The following CMIP variants were observed in gnomAD, a reference collection of about 807,000 sequenced individuals.
CMIP encodes C-Maf-inducing protein.
Under a neutral mutation model 97.3 loss-of-function variants are expected in CMIP, and 13 were observed. That is an observed-to-expected ratio of 0.13 (90% CI 0.09 to 0.21). CMIP has a LOEUF of 0.21. Ranked by LOEUF, CMIP falls within the 10% of genes least tolerant of loss-of-function variation. The pLI, the probability that CMIP is intolerant of heterozygous loss-of-function variation, is 1.00. For missense variants in CMIP, 847 were observed against 1,024.9 expected (o/e 0.83, Z 2.37); for synonymous variants, 538 against 436.3 (o/e 1.23, Z -2.91).
chr16:81,471,578 TAC>T lies in CMIP; in HGVS notation c.300+26051_300+26052del, dbSNP rs59971597. On this transcript the variant is annotated intron_variant, in intron 1 of 20. Transcript: ENST00000537098. ...GTGCACACACACATGCATACACAAATACACACACACACACAGTTATACAGTAG... is the reference window on the plus strand; with the variant it reads ...GTGCACACACACATGCATACACAAATACACACACACACAGTTATACAGTAG... Among the ~76,000 whole-genome samples the T allele has an allele frequency of 5.5e-3, 834 of 151,504 alleles. 7 individuals carry two copies. Among genetic ancestry groups the T allele is most frequent in the African/African-American group, 0.019 (765 of 41,326 alleles).
intron 15 of CMIP, 39 bp downstream of exon 15, chr16:81,699,840 T>C (rs745612695): frequency 7.3e-7 from 1 of 1,373,894 alleles, no homozygotes; most frequent in Admixed American, 1.9e-5. Context: ...GGTGGCTGGC[T>C]CCCCGTCCCT....
At chr16:81,601,619 G>T (rs1250351237) in intron 1 of CMIP, among the ~76,000 whole-genome samples, 3 of 152,166 alleles carry the variant, frequency 2.0e-5, no homozygotes, top group African/African-American at 7.2e-5. Context: ...CAGAGGTGAA[G>T]TATCTCTTCC....
intron 3 of CMIP, among the ~76,000 whole-genome samples, chr16:81,648,934 C>T (rs749435385): frequency 7.9e-5 from 12 of 151,988 alleles, no homozygotes; most frequent in African/African-American, 1.2e-4. Context: ...AGGAGTGAGC[C>T]CTCATTGCCT....
chr16:81,667,797 AGAGTGTGTGTGTGTGTGTGTGTGTGT>A, intron 7 of CMIP, among the ~76,000 whole-genome samples: 1 of 65,018 alleles, frequency 1.5e-5, no homozygotes, highest in South Asian at 5.7e-4. Flanking sequence ...AGAGAGAGAG[AGAGTGTGTGTGTGTGTGTGTGTGTGT>A]GTGTGTGTGT....
chr16:81,693,842 A>G (rs1257797727), intron 13 of CMIP, among the ~76,000 whole-genome samples: 2 of 152,142 alleles, frequency 1.3e-5, no homozygotes, highest in Non-Finnish European at 2.9e-5. Flanking sequence ...AGAGCAAGGA[A>G]TCTGAGCTGG....
intron 5 of CMIP, among the ~76,000 whole-genome samples, 182 bp downstream of exon 5, chr16:81,657,998 G>T (rs188818980): frequency 6.6e-6 from 1 of 151,938 alleles, no homozygotes; most frequent in Non-Finnish European, 1.5e-5. Flanking sequence ...CAGAGCCCCA[G>T]TTGATAGGAG....
intron 3 of CMIP, among the ~76,000 whole-genome samples, chr16:81,632,860 C>T (rs2092182344): frequency 1.3e-5 from 2 of 152,186 alleles, no homozygotes; most frequent in Non-Finnish European, 2.9e-5. Flanking sequence ...GGCTTTGGGA[C>T]ATTCAAGACA....
At position 81,655,981 on chromosome 16, in the gene CMIP, C is replaced by A; in HGVS notation, c.640-1794C>A. Among the ~76,000 whole-genome samples the A allele has an allele frequency of 6.6e-6, 1 of 152,288 alleles. No homozygotes were observed. Among genetic ancestry groups the A allele is most frequent in the African/African-American group, 2.4e-5 (1 of 41,552 alleles). On this transcript the variant is annotated intron_variant, in intron 4 of 20. Coordinates refer to ENST00000537098, the MANE Select transcript of CMIP (RefSeq NM_198390.3). This position sits in a 1 kb window ranked among gnomAD's most constrained non-coding sequence, Gnocchi z 4.9. ...AAGGAGAGACCAAGGCCAGGCTTCTCCCCGAAGCTGAAAAATGACTGATAG... is the reference window on the plus strand; with the variant it reads ...AAGGAGAGACCAAGGCCAGGCTTCTACCCGAAGCTGAAAAATGACTGATAG...
rs1455831582 is a variant in CMIP at position 81,702,696 on chromosome 16, CT to C, written c.1944+28del. 3 of 1,606,598 alleles carry C rather than the reference CT, an allele frequency of 1.9e-6. No individual in the cohort carries two copies. The Admixed American group carries it at 5.0e-5, about 27-fold the overall frequency. On this transcript the variant is annotated intron_variant, in intron 17 of 20. Coordinates refer to ENST00000537098, the MANE Select transcript of CMIP (RefSeq NM_198390.3). Reference sequence around the variant, plus strand: ...TGAGTTGGTTTGGTTCTCTTTGGGGCTGGATGGAGAAGGTGGGTTGGTCCTC... The same window carrying C: ...TGAGTTGGTTTGGTTCTCTTTGGGGCGGATGGAGAAGGTGGGTTGGTCCTC...
chr16:81,461,097 G>A (rs1206678664), intron 1 of CMIP, among the ~76,000 whole-genome samples: 2 of 152,214 alleles, frequency 1.3e-5, no homozygotes, highest in Non-Finnish European at 2.9e-5. Flanking sequence ...GGCCAAGCCA[G>A]GCAAAACCCA....
At chr16:81,571,526 C>T (rs1282554783) in intron 1 of CMIP, among the ~76,000 whole-genome samples, 1 of 143,812 alleles carries the variant, frequency 7.0e-6, no homozygotes, top group Non-Finnish European at 1.5e-5. Flanking sequence ...TTTGGGAGGC[C>T]CAGATGGGAG....
chr16:81,692,027 T>C (rs1242651918), intron 11 of CMIP, among the ~76,000 whole-genome samples, 187 bp downstream of exon 11: 1 of 151,922 alleles, frequency 6.6e-6, no homozygotes. Flanking sequence ...ACATCTTCCC[T>C]CAGAAAAATG....
intron 1 of CMIP, among the ~76,000 whole-genome samples, chr16:81,587,227 G>A (rs540246940): frequency 1.4e-4 from 22 of 152,366 alleles, no homozygotes; most frequent in African/African-American, 4.6e-4. Context: ...ACTGGACACT[G>A]GAGCCAGCTT....
chr16:81,706,910 C>G, intron 19 of CMIP, 104 bp from the exon 20 acceptor site: 2 of 923,872 alleles, frequency 2.2e-6, no homozygotes, highest in Non-Finnish European at 3.5e-6. Context: ...CATCTCCTAA[C>G]AGGGGGCCTG....
At chr16:81,578,613 T>C (rs1236899498) in intron 1 of CMIP, among the ~76,000 whole-genome samples, 1 of 152,180 alleles carries the variant, frequency 6.6e-6, no homozygotes, top group African/African-American at 2.4e-5. Flanking sequence ...GTCCATAAAG[T>C]ATGAAATCTC....
intron 1 of CMIP, among the ~76,000 whole-genome samples, chr16:81,489,111 C>T (rs529048319): frequency 4.6e-5 from 7 of 152,256 alleles, no homozygotes; most frequent in Non-Finnish European, 1.0e-4. Context: ...AGGAGATGCA[C>T]CCATGAAGGC....
chr16:81,530,949 G>C (rs763139519), intron 1 of CMIP, among the ~76,000 whole-genome samples: 2 of 152,192 alleles, frequency 1.3e-5, no homozygotes, highest in African/African-American at 2.4e-5. Flanking sequence ...ACTGTCGAAC[G>C]TAGCCACCAG....
At chr16:81,563,871 C>T (rs959873915) in intron 1 of CMIP, among the ~76,000 whole-genome samples, 1 of 152,196 alleles carries the variant, frequency 6.6e-6, no homozygotes, top group Non-Finnish European at 1.5e-5. Context: ...TTGGAAGAGC[C>T]GCCTTCCATT....
chr16:81,485,714 G>C (rs573445739), intron 1 of CMIP, among the ~76,000 whole-genome samples: 1 of 152,234 alleles, frequency 6.6e-6, no homozygotes, highest in African/African-American at 2.4e-5. Flanking sequence ...AATTTTAGGT[G>C]TTATTTAGTT....
Sources: gnomAD v4.1 joint callset for allele counts (sites outside exome capture counted in the v4.1 genomes callset) on GRCh38, gnomAD v4.1.1 for gene constraint, Gnocchi (gnomAD v3.1) non-coding constraint, MANE v1.5 for transcripts, NCBI Gene and HGNC (gene_info 2026-07-23, HGNC 2026-07-21) for gene names.